Variants in CCDC88C observed in about 807,000 individuals in gnomAD.
CCDC88C encodes coiled-coil and HOOK domain protein 88C, also known as protein Daple.
In CCDC88C, 131 loss-of-function variants were observed where a neutral mutation model predicts 198.8. The ratio of observed to expected loss-of-function variants is 0.66; its 90% CI spans 0.57 to 0.76. The LOEUF is 0.76. CCDC88C is among the 30% of genes least tolerant of loss of function. The probability of loss-of-function intolerance (pLI) is 0.00; values close to 1 mark genes in which losing one functional copy is unlikely to be tolerated. For synonymous variants in CCDC88C, 1,166 were observed against 1,114.7 expected, an observed-to-expected ratio of 1.05 and a Z score of -0.92; for missense variants, 2,553 against 2,631.6, an observed-to-expected ratio of 0.97 and a Z score of 0.65.
At position 91,307,040 on chromosome 14, in the gene CCDC88C, T is replaced by G; in HGVS notation, c.3193A>C (p.Asn1065His). 1 of 1,609,340 alleles carries G rather than the reference T, an allele frequency of 6.2e-7. No individual in the cohort carries two copies. Among genetic ancestry groups the G allele is most frequent in the Non-Finnish European group, 8.5e-7 (1 of 1,177,234 alleles). ...VKDRAIELERNNAALQAEKQL... is the reference protein window; with the variant it reads ...VKDRAIELERHNAALQAEKQL... ...CATGCCCAGGCCAGCCCACTCACAT[T>G]CCGCTCCAGCTCGATGGCCCGGTCC... Residue 1065 changes from asparagine (N) to histidine (H), a missense_variant and splice_region_variant, in exon 18 of 30, where the codon AAT (asparagine) becomes CAT (histidine). Transcript: ENST00000389857.
At chr14:91,292,793 C>T (rs898781974) in intron 23 of CCDC88C, among the ~76,000 whole-genome samples, 9 of 152,158 alleles carry the variant, frequency 5.9e-5, no homozygotes, top group African/African-American at 1.7e-4. Flanking sequence ...CTCGATTCCT[C>T]GACTTCTGAA....
intron 3 of CCDC88C, among the ~76,000 whole-genome samples, chr14:91,387,730 G>C (rs1885230873): frequency 6.6e-6 from 1 of 152,198 alleles, no homozygotes; most frequent in Non-Finnish European, 1.5e-5. Context: ...GTTGATGCCT[G>C]ACAGGGAAAC....
At chr14:91,377,427 C>G (rs1263816739) in intron 3 of CCDC88C, among the ~76,000 whole-genome samples, 1 of 152,088 alleles carries the variant, frequency 6.6e-6, no homozygotes, top group Non-Finnish European at 1.5e-5. Context: ...CTCCCTGAAC[C>G]AGCGAGCAAG....
In CCDC88C at chr14:91,315,672, A is replaced by T; in HGVS notation, c.1643T>A (p.Leu548Gln). 1.2e-6 allele frequency: 2 copies of T among 1,613,918 alleles called. No homozygotes were observed. The highest frequency in any genetic ancestry group is 1.7e-6 in the Non-Finnish European group (2 of 1,179,882). ...TACCTGCCTGGCTTTGTCAGCCTTC[A>T]GGGTCTCCATGTCACTCTGCAGCTG... is the stretch of plus-strand genomic sequence containing the variant. ...KEQLQSDMET[L>Q]KADKARQIKD... is the part of the protein sequence containing the mutation. The change falls in exon 14 of 30, where the codon CTG (leucine) becomes CAG (glutamine). Residue 548 changes from leucine to glutamine, a missense_variant. Leu to Gln is a moderately radical substitution (Grantham distance 113). This residue lies in a region of CCDC88C where 1,260 missense variants were observed against 1,412.0 expected (regional missense o/e 0.89). Coordinates refer to ENST00000389857, the MANE Select transcript of CCDC88C (RefSeq NM_001080414.4).
In CCDC88C at chr14:91,273,022, G is replaced by T. The variant is rs973706451; in HGVS notation, c.5690C>A (p.Ala1897Asp). ...SLAPPKEERL[A>D]PLHQSATAPA... is the part of the protein sequence containing the mutation. ...GGCTGTGGCAGACTGATGCAGGGGG[G>T]CCAGCCTCTCCTCCTTTGGGGGAGC... Residue 1897 changes from alanine (A) to aspartate (D), a missense_variant, in exon 30 of 30, where the codon GCC (alanine) becomes GAC (aspartate). Physicochemically the swap from Ala to Asp is moderately radical, Grantham distance 126 (BLOSUM62 -2). This residue lies in a region of CCDC88C where 1,293 missense variants were observed against 1,219.6 expected (regional missense o/e 1.06). Coordinates refer to ENST00000389857, the MANE Select transcript of CCDC88C (RefSeq NM_001080414.4). The surrounding 1 kb of genome is among the most constrained non-coding windows in gnomAD (Gnocchi z 5.6). 3 of 1,553,892 alleles carry T rather than the reference G, an allele frequency of 1.9e-6. No individual in the cohort carries two copies. The highest frequency in any genetic ancestry group is 2.7e-5 in the African/African-American group (2 of 73,718).
intron 6 of CCDC88C, 87 bp downstream of exon 6, chr14:91,342,293 C>A: frequency 1.3e-6 from 1 of 757,452 alleles, no homozygotes. Context: ...ATTCTTCAAA[C>A]GTTTCCACTC....
Position 91,322,305 on chromosome 14 carries a change from A to G in CCDC88C, c.1343-1001T>C, listed in dbSNP as rs187654467. 1.8e-4 allele frequency among the ~76,000 whole-genome samples: 27 copies of G among 152,314 alleles called. No individual in the cohort carries two copies. In the East Asian group the frequency reaches 4.1e-3, roughly 23 times the overall value. ...GTTCAGATTCCCCGGGTGATCATAAAGACTGAACAGCATCTCGTTTCCCTC... is the reference window on the plus strand; with the variant it reads ...GTTCAGATTCCCCGGGTGATCATAAGGACTGAACAGCATCTCGTTTCCCTC... On this transcript the variant is annotated intron_variant, in intron 12 of 29. Coordinates refer to ENST00000389857, the MANE Select transcript of CCDC88C (RefSeq NM_001080414.4).
chr14:91,319,217 AG>A (rs1237526802), intron 13 of CCDC88C, among the ~76,000 whole-genome samples: 6 of 152,210 alleles, frequency 3.9e-5, no homozygotes, highest in Non-Finnish European at 8.8e-5. Flanking sequence ...ACCTGGAATG[AG>A]CAAGACCTGT....
chr14:91,341,690 G>A (rs1315047038), intron 6 of CCDC88C, among the ~76,000 whole-genome samples: 3 of 152,226 alleles, frequency 2.0e-5, no homozygotes, highest in African/African-American at 4.8e-5. Context: ...GTGGAGGTCA[G>A]GAAAGTAAAT....
chr14:91,328,683 C>A (rs753282309), intron 10 of CCDC88C, among the ~76,000 whole-genome samples: 53 of 152,294 alleles, frequency 3.5e-4, no homozygotes, highest in African/African-American at 1.3e-3. Flanking sequence ...ACACTCTCAA[C>A]CCGGATTCCT....
chr14:91,276,233 CAG>C (rs1229006983), intron 29 of CCDC88C, among the ~76,000 whole-genome samples: 2 of 152,228 alleles, frequency 1.3e-5, no homozygotes, highest in African/African-American at 2.4e-5. Flanking sequence ...TTCAGAAACT[CAG>C]GGGATGGGTT....
chr14:91,303,133 T>A (rs1426145725), intron 20 of CCDC88C, among the ~76,000 whole-genome samples: 3 of 152,092 alleles, frequency 2.0e-5, no homozygotes, highest in Admixed American at 6.5e-5. Flanking sequence ...GTCCCAGTCC[T>A]CCGCGCAGCC....
chr14:91,405,591 C>T (rs1453004566), intron 3 of CCDC88C, among the ~76,000 whole-genome samples: 1 of 152,124 alleles, frequency 6.6e-6, no homozygotes, highest in Non-Finnish European at 1.5e-5. Context: ...GCAACAACCA[C>T]AATGGCATAA....
At chr14:91,292,786 G>A (rs969868614) in intron 23 of CCDC88C, among the ~76,000 whole-genome samples, 12 of 152,208 alleles carry the variant, frequency 7.9e-5, no homozygotes, top group Middle Eastern at 3.4e-3. Flanking sequence ...CTAGATTCTC[G>A]ATTCCTCGAC....
At chr14:91,396,927 C>A (rs956722119) in intron 3 of CCDC88C, among the ~76,000 whole-genome samples, 5 of 151,760 alleles carry the variant, frequency 3.3e-5, no homozygotes, top group Admixed American at 6.6e-5. Flanking sequence ...TTGAGCCTGG[C>A]AGGTCAAGGT....
At chr14:91,415,306 A>G (rs375925857) in intron 2 of CCDC88C, among the ~76,000 whole-genome samples, 2 of 152,216 alleles carry the variant, frequency 1.3e-5, no homozygotes, top group Non-Finnish European at 1.5e-5. Flanking sequence ...ATGTTTTTCA[A>G]TCTAATCAGA....
intron 4 of CCDC88C, among the ~76,000 whole-genome samples, chr14:91,355,614 G>A (rs546422703): frequency 1.3e-5 from 2 of 152,268 alleles, no homozygotes; most frequent in Admixed American, 6.5e-5. Context: ...GGGCCGGGAC[G>A]GGCAGATGCT....
At chr14:91,326,111 G>C (rs554983996) in intron 10 of CCDC88C, 55 bp from the exon 11 acceptor site, 15 of 1,533,842 alleles carry the variant, frequency 9.8e-6, no homozygotes, top group Middle Eastern at 1.7e-4. Flanking sequence ...TGGGTCATTA[G>C]GATGGAATTC....
rs562537341 is a variant in CCDC88C, at chr14:91,387,136, G to A, written c.270+21523C>T. Among the ~76,000 whole-genome samples the A allele has an allele frequency of 2.6e-5, 4 of 152,272 alleles. No homozygotes were observed. In the East Asian group the frequency reaches 7.7e-4, roughly 29 times the overall value. On this transcript the variant is annotated intron_variant, in intron 3 of 29. Transcript: ENST00000389857. ...TGGCGCAACTGTCCACATCCAAAAC[G>A]CACAGCCTAACACAAGGACTTGTTC...
Sources: gnomAD v4.1 joint callset for allele counts (sites outside exome capture counted in the v4.1 genomes callset) on GRCh38, gnomAD v4.1.1 for gene constraint, gnomAD v4.1.1 regional missense constraint, Gnocchi (gnomAD v3.1) non-coding constraint, MANE v1.5 for transcripts, NCBI Gene and HGNC (gene_info 2026-07-23, HGNC 2026-07-21) for gene names.